WDR72: variants seen among roughly 807,000 people sequenced by gnomAD.
WDR72 encodes the protein WD repeat-containing protein 72.
In WDR72, 120 loss-of-function variants were observed where a neutral mutation model predicts 124.2. The observed-to-expected ratio is 0.97, with a 90% CI of 0.83 to 1.12. The LOEUF (loss-of-function observed/expected upper bound fraction) is 1.12, where lower values mean the gene tolerates loss of function less well. Ranked by LOEUF, WDR72 falls within the 50% of genes most tolerant of loss-of-function variation. The pLI is 0.00. For synonymous variants in WDR72, 452 were observed against 441.7 expected (o/e 1.02, Z -0.29); for missense variants, 1,387 against 1,278.8 (o/e 1.08, Z -1.29).
At chr15:53,722,936 A>G (rs752969222) in intron 2 of WDR72, 28 bp from the exon 3 acceptor site, 1 of 1,580,632 alleles carries the variant, frequency 6.3e-7, no homozygotes, top group South Asian at 1.1e-5. Context: ...GAGCTTTTAA[A>G]TAATTGTAAA....
At chr15:53,658,235 TTGGAGC>T in intron 14 of WDR72, among the ~76,000 whole-genome samples, 2 of 152,332 alleles carry the variant, frequency 1.3e-5, no homozygotes, top group South Asian at 4.1e-4. Context: ...AGACTTTACC[TTGGAGC>T]ATTTTTTTTC....
At chr15:53,693,095 T>G (rs1180825237) in intron 13 of WDR72, among the ~76,000 whole-genome samples, 1 of 152,178 alleles carries the variant, frequency 6.6e-6, no homozygotes, top group African/African-American at 2.4e-5. Context: ...CACAAGACTG[T>G]CAACACAACA....
rs762144251 is a variant in WDR72 at position 53,616,246 on chromosome 15, A to T, written c.1963-3T>A. 2 of 1,595,926 alleles carry T rather than the reference A, an allele frequency of 1.3e-6. No homozygotes were observed. Among genetic ancestry groups the T allele is most frequent in the Admixed American group, 1.7e-5 (1 of 59,784 alleles). On this transcript the variant is annotated splice_region_variant and splice_polypyrimidine_tract_variant and intron_variant, in intron 14 of 19. Transcript: ENST00000360509. ...GGGCAAAATTTGGCATCAGTAACCT[A>T]AGGGAACAAAAAATATTTGTGTCAA...
chr15:53,689,315 A>G (rs1158684872), intron 13 of WDR72, among the ~76,000 whole-genome samples: 1 of 150,196 alleles, frequency 6.7e-6, no homozygotes, highest in Non-Finnish European at 1.5e-5. Flanking sequence ...CAACCTACTC[A>G]TCTGACAAAG....
rs1477268880 is a variant in WDR72, at chr15:53,728,530, G to C, written c.153+4467C>G. On this transcript the variant is annotated intron_variant, in intron 2 of 19. Coordinates refer to ENST00000360509, the MANE Select transcript of WDR72 (RefSeq NM_182758.4). ...TATAAGTCATTTGCCCAGTATCACA[G>C]TGTTGGTAAATATCAGGGCTGGCAC... 3.9e-5 allele frequency among the ~76,000 whole-genome samples: 6 copies of C among 152,298 alleles called. No homozygotes were observed. In the East Asian group the frequency reaches 1.2e-3, roughly 29 times the overall value.
At chr15:53,671,797 G>A (rs906746095) in intron 13 of WDR72, among the ~76,000 whole-genome samples, 19 of 152,164 alleles carry the variant, frequency 1.2e-4, no homozygotes, top group African/African-American at 3.9e-4. Context: ...AATGTGACGT[G>A]TTGTCTTGAC....
At chr15:53,544,086 G>A (rs531133285) in intron 18 of WDR72, among the ~76,000 whole-genome samples, 5,842 of 140,102 alleles carry the variant, frequency 0.042, 332 homozygotes, top group African/African-American at 0.13. Context: ...AGAGGTACAA[G>A]GAGGAACTGG....
At chr15:53,721,334 T>C (rs921211332) in intron 3 of WDR72, among the ~76,000 whole-genome samples, 6 of 152,166 alleles carry the variant, frequency 3.9e-5, no homozygotes, top group African/African-American at 1.4e-4. Context: ...TGAAACTCAG[T>C]AACTTTTCAG....
rs905057057 is a variant in WDR72 at position 53,516,148 on chromosome 15, A to G, written c.*1551T>C. The G allele has an allele frequency of 6.6e-6, 1 of 152,160 alleles. No homozygotes were observed. The highest frequency in any genetic ancestry group is 1.5e-5 in the Non-Finnish European group (1 of 68,008). 9.4% of individuals were successfully genotyped at this position (152,160 alleles called of 1,614,324 possible). A position where few individuals can be genotyped will look rare whatever the true frequency, so the allele number is the denominator to read the frequency against. ...AGTTTTCAAAGGATAATAATTTTCC[A>G]TGATTATTCATATTAATGCTATGTT... On this transcript the variant is annotated 3_prime_UTR_variant, in exon 20 of 20. Transcript: ENST00000360509.
chr15:53,610,061 A>G (rs1595791713), intron 16 of WDR72, among the ~76,000 whole-genome samples: 1 of 152,104 alleles, frequency 6.6e-6, no homozygotes, highest in Non-Finnish European at 1.5e-5. Context: ...AAATCAAATC[A>G]AAGACTTCCT....
chr15:53,668,816 G>A (rs1172876420), intron 13 of WDR72, among the ~76,000 whole-genome samples: 1 of 149,340 alleles, frequency 6.7e-6, no homozygotes, highest in Non-Finnish European at 1.5e-5. Context: ...TGAGGTGGGA[G>A]GATCACTTGA....
intron 18 of WDR72, among the ~76,000 whole-genome samples, chr15:53,533,189 G>C (rs888408466): frequency 6.6e-6 from 1 of 152,092 alleles, no homozygotes; most frequent in African/African-American, 2.4e-5. Flanking sequence ...GAATTGAAGA[G>C]GCCATCCAAA....
chr15:53,758,661 G>C (rs976511622), intron 1 of WDR72, among the ~76,000 whole-genome samples: 34 of 150,830 alleles, frequency 2.3e-4, no homozygotes, highest in African/African-American at 8.3e-4. Flanking sequence ...ATGGTGTTTT[G>C]GCAGTGACAA....
chr15:53,609,633 AAAATGGATAATGGC>A, intron 16 of WDR72, 41 bp from the exon 17 acceptor site: 1 of 1,537,284 alleles, frequency 6.5e-7, no homozygotes, highest in Non-Finnish European at 9.0e-7. Context: ...TAGAGTATTA[AAAATGGATAATGGC>A]TCTTAAGATG....
intron 13 of WDR72, among the ~76,000 whole-genome samples, chr15:53,673,743 A>T (rs2016071724): frequency 6.6e-6 from 1 of 152,182 alleles, no homozygotes; most frequent in Non-Finnish European, 1.5e-5. Context: ...TAATCCCAGC[A>T]CTTTGGGAGG....
intron 18 of WDR72, among the ~76,000 whole-genome samples, chr15:53,543,006 G>C (rs1226810444): frequency 6.6e-6 from 1 of 151,710 alleles, no homozygotes; most frequent in Non-Finnish European, 1.5e-5. Context: ...AGTCCTGAGT[G>C]ACCTACAAAG....
chr15:53,517,428 T>C lies in WDR72; in HGVS notation c.*271A>G, dbSNP rs1038431523. 8 of 417,234 alleles carry C rather than the reference T, an allele frequency of 1.9e-5. No individual in the cohort carries two copies. The highest frequency in any genetic ancestry group is 3.5e-5 in the Non-Finnish European group (8 of 225,748). The allele number at this position is 417,234 out of a possible 1,614,324, so 25.8% of individuals were successfully genotyped here. A position where few individuals can be genotyped will look rare whatever the true frequency, so the allele number is the denominator to read the frequency against. ...GACTGGCATTCCCTGTTGGAAATAT[T>C]AACAGAAAAAGTAAGAAACAGGAAT... On this transcript the variant is annotated 3_prime_UTR_variant, in exon 20 of 20. Transcript: ENST00000360509.
intron 18 of WDR72, among the ~76,000 whole-genome samples, chr15:53,579,451 T>C (rs1468741919): frequency 6.6e-6 from 1 of 152,106 alleles, no homozygotes; most frequent in Non-Finnish European, 1.5e-5. Context: ...CAAACTGCTT[T>C]CCCTATCTTT....
chr15:53,627,216 T>C (rs1354248871), intron 14 of WDR72, among the ~76,000 whole-genome samples: 2 of 152,196 alleles, frequency 1.3e-5, no homozygotes, highest in Non-Finnish European at 2.9e-5. Context: ...TATTTTTTAT[T>C]TATTATTTTT....
Sources: allele counts gnomAD v4.1 joint callset (sites outside exome capture counted in the v4.1 genomes callset), GRCh38; gene constraint gnomAD v4.1.1; transcripts MANE v1.5; gene names NCBI Gene and HGNC (gene_info 2026-07-23, HGNC 2026-07-21).